Variants in FOXN3 observed in about 807,000 individuals in gnomAD.
The protein encoded by FOXN3 is forkhead box N3.
FOXN3 carries 7 observed loss-of-function variants against 38.4 expected under a neutral mutation model. The ratio of observed to expected loss-of-function variants is 0.18; its 90% CI spans 0.10 to 0.34. The LOEUF (loss-of-function observed/expected upper bound fraction) is 0.34, where lower values mean the gene tolerates loss of function less well. Ranked by LOEUF, FOXN3 falls within the 10% of genes least tolerant of loss-of-function variation. The probability of loss-of-function intolerance (pLI) is 1.00; values close to 1 mark genes in which losing one functional copy is unlikely to be tolerated. For missense variants in FOXN3, 456 were observed against 613.4 expected (o/e 0.74, Z 2.71); for synonymous variants, 230 against 242.2 (o/e 0.95, Z 0.47).
chr14:89,263,437 C>G (rs1885870604), intron 4 of FOXN3, among the ~76,000 whole-genome samples: 1 of 151,596 alleles, frequency 6.6e-6, no homozygotes, highest in African/African-American at 2.4e-5. Context: ...AAAATGGAAT[C>G]TAAATATTGT....
chr14:89,490,322 G>A (rs891021445), intron 1 of FOXN3, among the ~76,000 whole-genome samples: 5 of 152,236 alleles, frequency 3.3e-5, no homozygotes, highest in African/African-American at 9.6e-5. Context: ...TTAGCAAAGA[G>A]TGGTGAACGG....
At chr14:89,360,512 G>A (rs902059597) in intron 2 of FOXN3, among the ~76,000 whole-genome samples, 2 of 149,438 alleles carry the variant, frequency 1.3e-5, no homozygotes, top group Non-Finnish European at 3.0e-5. Flanking sequence ...GAAAAACGGT[G>A]AGAGAGAGAA....
chr14:89,218,014 C>T (rs949769343), intron 4 of FOXN3, among the ~76,000 whole-genome samples: 1 of 152,246 alleles, frequency 6.6e-6, no homozygotes, highest in African/African-American at 2.4e-5. Flanking sequence ...ATACTAATGC[C>T]ATTAGAAATT....
At chr14:89,231,138 G>C (rs540024587) in intron 4 of FOXN3, among the ~76,000 whole-genome samples, 26 of 152,028 alleles carry the variant, frequency 1.7e-4, no homozygotes, top group Admixed American at 1.6e-3. Context: ...TTGTTCTACT[G>C]AACATAAAAG....
At chr14:89,299,402 CTT>C (rs1887149133) in intron 3 of FOXN3, among the ~76,000 whole-genome samples, 1 of 152,268 alleles carries the variant, frequency 6.6e-6, no homozygotes, top group Non-Finnish European at 1.5e-5. Flanking sequence ...CATTAAACCT[CTT>C]TCCTTTACAA....
chr14:89,326,708 A>G (rs1284327705), intron 3 of FOXN3, among the ~76,000 whole-genome samples: 2 of 152,230 alleles, frequency 1.3e-5, no homozygotes, highest in Admixed American at 1.3e-4. Flanking sequence ...TGCTGTCAAA[A>G]AAAAAGAATC....
intron 4 of FOXN3, among the ~76,000 whole-genome samples, chr14:89,224,912 C>T (rs553512629): frequency 2.0e-5 from 3 of 151,890 alleles, no homozygotes; most frequent in Non-Finnish European, 2.9e-5. Flanking sequence ...GGGCGGATCA[C>T]GAGGTCAGGA....
chr14:89,185,258 T>C (rs1346890462), intron 4 of FOXN3, among the ~76,000 whole-genome samples: 1 of 152,192 alleles, frequency 6.6e-6, no homozygotes, highest in Non-Finnish European at 1.5e-5. Flanking sequence ...GACACTTAAC[T>C]ATACCCCTGT....
intron 4 of FOXN3, among the ~76,000 whole-genome samples, chr14:89,239,081 T>C (rs1375332558): frequency 6.6e-6 from 1 of 152,172 alleles, no homozygotes; most frequent in East Asian, 1.9e-4. Context: ...GAGATAGTGT[T>C]AAACAGTTAG....
chr14:89,395,511 C>T (rs139456787), intron 2 of FOXN3, among the ~76,000 whole-genome samples: 1 of 152,262 alleles, frequency 6.6e-6, no homozygotes, highest in Non-Finnish European at 1.5e-5. Context: ...CCCAGCACAG[C>T]ATCTCATATG....
intron 4 of FOXN3, chr14:89,185,462 T>C (rs1336838088): frequency 6.6e-6 from 1 of 152,310 alleles, no homozygotes; most frequent in Admixed American, 6.5e-5. Flanking sequence ...ACTCTTTCCC[T>C]TCCTTTTACT....
At chr14:89,578,472 C>A (rs1185869478) in intron 1 of FOXN3, among the ~76,000 whole-genome samples, 2 of 152,178 alleles carry the variant, frequency 1.3e-5, no homozygotes, top group African/African-American at 4.8e-5. Context: ...TCCCCCTGAG[C>A]TCCAGATGGG....
At chr14:89,279,634 A>C (rs1434820504) in intron 4 of FOXN3, among the ~76,000 whole-genome samples, 2 of 152,172 alleles carry the variant, frequency 1.3e-5, no homozygotes, top group Admixed American at 6.5e-5. Flanking sequence ...AGATTTTTTT[A>C]AATTATGTGT....
chr14:89,611,731 G>A lies in FOXN3; in HGVS notation c.-15+7297C>T, dbSNP rs534852042. ...TGAGGCAGGAGAACGGCGTGAACCT[G>A]GGAGGCGGAGCTTGCAGTGAGCCGA... On this transcript the variant is annotated intron_variant, in intron 1 of 6. Transcript: ENST00000345097. 6.3e-4 allele frequency among the ~76,000 whole-genome samples: 95 copies of A among 151,596 alleles called. 2 individuals carry two copies. Among genetic ancestry groups the A allele is most frequent in the Non-Finnish European group, 5.7e-4 (39 of 67,912 alleles).
At chr14:89,415,604 CAAAA>C (rs34026101) in intron 1 of FOXN3, among the ~76,000 whole-genome samples, 107 of 54,278 alleles carry the variant, frequency 2.0e-3, no homozygotes, top group African/African-American at 4.9e-3. Flanking sequence ...CAACAATAAC[CAAAA>C]AAAAAAAAAA....
chr14:89,303,955 CCT>C (rs974877314), intron 3 of FOXN3, among the ~76,000 whole-genome samples: 7 of 152,182 alleles, frequency 4.6e-5, no homozygotes, highest in Admixed American at 3.9e-4. Flanking sequence ...TTTACACACC[CCT>C]GTGTCTCCCA....
intron 1 of FOXN3, among the ~76,000 whole-genome samples, chr14:89,431,356 G>A (rs960353033): frequency 1.3e-5 from 2 of 152,020 alleles, no homozygotes; most frequent in Non-Finnish European, 2.9e-5. Context: ...GATGACAGGC[G>A]CCCACCACCA....
intron 2 of FOXN3, among the ~76,000 whole-genome samples, chr14:89,395,656 A>G (rs1311272351): frequency 1.3e-5 from 2 of 152,198 alleles, no homozygotes; most frequent in Non-Finnish European, 2.9e-5. Context: ...GCCTGTTTAC[A>G]AGCATGGAAT....
At chr14:89,299,165 C>T (rs1426430027) in intron 3 of FOXN3, among the ~76,000 whole-genome samples, 10 of 152,206 alleles carry the variant, frequency 6.6e-5, no homozygotes, top group African/African-American at 2.2e-4. Context: ...TGTGTCCCTA[C>T]CCAAATCTCA....
Sources: allele counts gnomAD v4.1 joint callset (sites outside exome capture counted in the v4.1 genomes callset), GRCh38; gene constraint gnomAD v4.1.1; transcripts MANE v1.5; gene names NCBI Gene and HGNC (gene_info 2026-07-23, HGNC 2026-07-21).